The following NPSR1 variants were observed in gnomAD, a reference collection of about 807,000 sequenced individuals.
The protein encoded by NPSR1 is neuropeptide S receptor.
NPSR1 carries 48 observed loss-of-function variants against 46.9 expected under a neutral mutation model. That is an observed-to-expected ratio of 1.02 (90% CI 0.81 to 1.30). The LOEUF is 1.30. Among genes scored for constraint, NPSR1 ranks in the 50% most tolerant of loss-of-function variants. The pLI is 0.00. For synonymous variants in NPSR1, 176 were observed against 168.1 expected (o/e 1.05, Z -0.36); for missense variants, 450 against 449.5 (o/e 1.00, Z -0.01).
intron 1 of NPSR1, among the ~76,000 whole-genome samples, chr7:34,681,301 T>G (rs1006449170): frequency 6.6e-6 from 1 of 152,212 alleles, no homozygotes; most frequent in Non-Finnish European, 1.5e-5. Flanking sequence ...AGAAGATTGA[T>G]GCACAGCTGT....
At chr7:34,860,710 T>C (rs1375615380) in intron 8 of NPSR1, among the ~76,000 whole-genome samples, 2 of 151,918 alleles carry the variant, frequency 1.3e-5, no homozygotes, top group East Asian at 1.9e-4. Flanking sequence ...TAACATGCCA[T>C]GTAACCTCTG....
intron 1 of NPSR1, among the ~76,000 whole-genome samples, chr7:34,679,921 T>C (rs1792531014): frequency 6.6e-6 from 1 of 152,086 alleles, no homozygotes; most frequent in Admixed American, 6.5e-5. Flanking sequence ...AATGTTAAAA[T>C]TGATCACAAA....
At chr7:34,856,341 T>C (rs1287899255) in intron 8 of NPSR1, among the ~76,000 whole-genome samples, 2 of 151,698 alleles carry the variant, frequency 1.3e-5, no homozygotes, top group Non-Finnish European at 2.9e-5. Flanking sequence ...ATAGCAGCAA[T>C]AAATAAAAAA....
intron 2 of NPSR1, among the ~76,000 whole-genome samples, chr7:34,732,898 G>C (rs931764634): frequency 6.6e-6 from 1 of 152,154 alleles, no homozygotes; most frequent in Non-Finnish European, 1.5e-5. Context: ...AGTGAAATTG[G>C]TAGTTCTTGG....
At chr7:34,813,792 G>A (rs569286388) in intron 4 of NPSR1, among the ~76,000 whole-genome samples, 3 of 152,350 alleles carry the variant, frequency 2.0e-5, no homozygotes, top group South Asian at 4.1e-4. Flanking sequence ...TATATGCAAG[G>A]TGGTAATTTT....
At chr7:34,827,083 G>A (rs758805350) in intron 4 of NPSR1, among the ~76,000 whole-genome samples, 17 of 152,178 alleles carry the variant, frequency 1.1e-4, no homozygotes, top group Non-Finnish European at 2.2e-4. Context: ...AATGTACATG[G>A]TACAAACTGA....
chr7:34,664,501 A>G (rs1791638610), intron 1 of NPSR1, among the ~76,000 whole-genome samples: 1 of 152,172 alleles, frequency 6.6e-6, no homozygotes, highest in Non-Finnish European at 1.5e-5. Context: ...GTAAGGAAGA[A>G]GTTTCGGAAG....
intron 6 of NPSR1, among the ~76,000 whole-genome samples, chr7:34,838,144 G>A (rs889601408): frequency 6.6e-6 from 1 of 152,090 alleles, no homozygotes; most frequent in African/African-American, 2.4e-5. Flanking sequence ...TCCCCCCAGG[G>A]AGGCTGACTT....
intron 2 of NPSR1, among the ~76,000 whole-genome samples, chr7:34,765,035 A>T (rs577720609): frequency 6.6e-6 from 1 of 152,170 alleles, no homozygotes; most frequent in Non-Finnish European, 1.5e-5. Flanking sequence ...CGTCTCAGCT[A>T]CTATGCTAAT....
chr7:34,778,560 T>G lies in NPSR1; in HGVS notation c.379T>G (p.Leu127Val), dbSNP rs1787085567. Residue 127 changes from leucine (L) to valine (V), a missense_variant, in exon 3 of 9, where the codon TTG (leucine) becomes GTG (valine). Physicochemically the swap from Leu to Val is conservative, Grantham distance 32 (BLOSUM62 1). Transcript: ENST00000360581. Reference protein sequence around the residue: ...PDLVCRVVRYLQVVLLYASTY... With the variant: ...PDLVCRVVRYVQVVLLYASTY... The stretch of plus-strand genomic sequence containing the variant: ...CCTGGTTTGCCGAGTGGTCCGCTAT[T>G]TGCAGGTATGTCACACCTTCCAAAT... 1 of 1,603,650 alleles carries G rather than the reference T, an allele frequency of 6.2e-7. No individual in the cohort carries two copies. Among genetic ancestry groups the G allele is most frequent in the Non-Finnish European group, 8.5e-7 (1 of 1,171,130 alleles).
chr7:34,776,235 T>C (rs1392645749), intron 2 of NPSR1, among the ~76,000 whole-genome samples: 2 of 152,196 alleles, frequency 1.3e-5, no homozygotes, highest in African/African-American at 4.8e-5. Flanking sequence ...TAGCGCAGAT[T>C]AACTCTCGTG....
chr7:34,662,151 C>A (rs10265037), intron 1 of NPSR1, among the ~76,000 whole-genome samples: 1 of 152,142 alleles, frequency 6.6e-6, no homozygotes, highest in African/African-American at 2.4e-5. Flanking sequence ...TAGGTGAGCA[C>A]AGAAACATGA....
intron 1 of NPSR1, among the ~76,000 whole-genome samples, chr7:34,679,881 GA>G (rs1792527871): frequency 6.6e-6 from 1 of 151,920 alleles, no homozygotes; most frequent in South Asian, 2.1e-4. Context: ...CTACTAGTTA[GA>G]AATAAACTAA....
At chr7:34,794,288 G>T (rs1391249051) in intron 3 of NPSR1, among the ~76,000 whole-genome samples, 1 of 152,034 alleles carries the variant, frequency 6.6e-6, no homozygotes, top group Non-Finnish European at 1.5e-5. Flanking sequence ...ACCCTGATTT[G>T]AGCATTACAC....
intron 4 of NPSR1, among the ~76,000 whole-genome samples, chr7:34,824,345 G>A (rs1322066733): frequency 6.6e-6 from 1 of 152,184 alleles, no homozygotes; most frequent in Non-Finnish European, 1.5e-5. Context: ...ATGGAAGAGG[G>A]AGTCTGACTT....
At chr7:34,814,634 C>A (rs897328444) in intron 4 of NPSR1, among the ~76,000 whole-genome samples, 2 of 152,216 alleles carry the variant, frequency 1.3e-5, no homozygotes, top group African/African-American at 4.8e-5. Context: ...GGAGACATCT[C>A]CCAGTAGGGG....
intron 3 of NPSR1, among the ~76,000 whole-genome samples, chr7:34,790,806 ATGT>A (rs1787737789): frequency 9.0e-6 from 1 of 110,824 alleles, no homozygotes; most frequent in African/African-American, 3.3e-5. Context: ...TATAGGTTAT[ATGT>A]TATATATGTT....
At chr7:34,713,482 T>C (rs117939953) in intron 2 of NPSR1, among the ~76,000 whole-genome samples, 3,388 of 152,068 alleles carry the variant, frequency 0.022, 47 homozygotes, top group Middle Eastern at 0.051. Flanking sequence ...AATAATATAA[T>C]ATTATGCATA....
At chr7:34,845,007 G>A (rs1790695249) in intron 7 of NPSR1, 25 bp downstream of exon 7, 1 of 1,536,546 alleles carries the variant, frequency 6.5e-7, no homozygotes, top group South Asian at 1.1e-5. Flanking sequence ...TCCTTGAGCT[G>A]TAAAGTGGTA....
Sources: gnomAD v4.1 joint callset for allele counts (sites outside exome capture counted in the v4.1 genomes callset) on GRCh38, gnomAD v4.1.1 for gene constraint, MANE v1.5 for transcripts, NCBI Gene and HGNC (gene_info 2026-07-23, HGNC 2026-07-21) for gene names.